NRXN2: variants seen among roughly 807,000 people sequenced by gnomAD.
NRXN2 encodes the protein neurexin 2.
Under a neutral mutation model 128.8 loss-of-function variants are expected in NRXN2, and 29 were observed. That is an observed-to-expected ratio of 0.23 (90% CI 0.17 to 0.31). NRXN2 has a LOEUF of 0.31. Among genes scored for constraint, NRXN2 ranks in the 10% least tolerant of loss-of-function variants. NRXN2 has a pLI of 1.00. For missense variants in NRXN2, 1,881 were observed against 2,452.6 expected (o/e 0.77, Z 4.92); for synonymous variants, 1,098 against 1,075.2 (o/e 1.02, Z -0.41).
In NRXN2 at chr11:64,713,216, A is replaced by G; in HGVS notation, c.484T>C (p.Ser162Pro). 6.8e-7 allele frequency: 1 copy of G among 1,468,106 alleles called. No individual in the cohort carries two copies. The highest frequency in any genetic ancestry group is 9.0e-7 in the Non-Finnish European group (1 of 1,113,886). The allele number at this position is 1,468,106 out of a possible 1,614,324, so 90.9% of individuals were successfully genotyped here. A position where few individuals can be genotyped will look rare whatever the true frequency, so the allele number is the denominator to read the frequency against. The change falls in exon 2 of 23, where the codon TCG becomes CCG. Residue 162 changes from serine (S) to proline (P), a missense_variant. By Grantham distance (74) the Ser-to-Pro change is moderately conservative (BLOSUM62 -1). Transcript: ENST00000265459. Reference sequence around the variant, plus strand: ...TTGACGGTGCTCAGCGTAAGCGCCGAGAGGCGCACGTCGGGCGGGATGCCG... The same window carrying G: ...TTGACGGTGCTCAGCGTAAGCGCCGGGAGGCGCACGTCGGGCGGGATGCCG... ...VGGIPPDVRL[S>P]ALTLSTVKYE... is the part of the protein sequence containing the mutation.
At chr11:64,646,807 C>A (rs1434283505) in intron 17 of NRXN2, among the ~76,000 whole-genome samples, 1 of 5,144 alleles carries the variant, frequency 1.9e-4, no homozygotes, top group Non-Finnish European at 0.02. Flanking sequence ...CATGCCTTGG[C>A]AGTCAGGCTG....
At chr11:64,720,539 G>A (rs1346375942) in intron 1 of NRXN2, among the ~76,000 whole-genome samples, 1 of 152,184 alleles carries the variant, frequency 6.6e-6, no homozygotes, top group Non-Finnish European at 1.5e-5. Context: ...GGACTCCACT[G>A]GGAAGGGTCG....
rs1011468739 is a variant in NRXN2, at chr11:64,642,516, C to T, written c.3403+5703G>A. 3.1e-6 allele frequency: 5 copies of T among 1,599,868 alleles called. No individual in the cohort carries two copies. The African/African-American group carries it at 6.8e-5, about 22-fold the overall frequency. On this transcript the variant is annotated intron_variant, in intron 17 of 22. Coordinates refer to ENST00000265459, the MANE Select transcript of NRXN2 (RefSeq NM_015080.4). ...CCCCGCCCCCGGGCCAACCGGGTGG[C>T]CGGCATCTACAGTGCCACTTACCGT...
intron 2 of NRXN2, among the ~76,000 whole-genome samples, chr11:64,699,594 G>A (rs1161929588): frequency 6.6e-6 from 1 of 151,924 alleles, no homozygotes; most frequent in African/African-American, 2.4e-5. Context: ...TGTATTTTCA[G>A]TAGAGATGGG....
chr11:64,617,888 G>T (rs933906103), intron 22 of NRXN2, among the ~76,000 whole-genome samples: 3 of 152,332 alleles, frequency 2.0e-5, no homozygotes, highest in Admixed American at 2.0e-4. Flanking sequence ...TGCGATGCAG[G>T]CTTAGGGGAG....
At chr11:64,708,622 A>G (rs1592273375) in intron 2 of NRXN2, among the ~76,000 whole-genome samples, 2 of 152,358 alleles carry the variant, frequency 1.3e-5, no homozygotes, top group South Asian at 2.1e-4. Context: ...TTCTCCGTCA[A>G]TGAGTAAGCC....
intron 18 of NRXN2, among the ~76,000 whole-genome samples, chr11:64,633,530 C>A (rs1025412264): frequency 2.0e-5 from 3 of 152,134 alleles, no homozygotes; most frequent in African/African-American, 7.2e-5. Flanking sequence ...TGCAGAGCTT[C>A]GCATGAGGGA....
chr11:64,613,184 C>T (rs2040940800), intron 22 of NRXN2, among the ~76,000 whole-genome samples: 1 of 152,230 alleles, frequency 6.6e-6, no homozygotes, highest in South Asian at 2.1e-4. Flanking sequence ...TGTTTCTGTG[C>T]CCCAAGCACA....
chr11:64,651,440 G>T lies in NRXN2; in HGVS notation c.2733C>A (p.Gly911=). The T allele has an allele frequency of 6.2e-7, 1 of 1,614,178 alleles. No individual in the cohort carries two copies. The highest frequency in any genetic ancestry group is 8.5e-7 in the Non-Finnish European group (1 of 1,180,012). The change falls in exon 14 of 23, where the codon GGC becomes GGA. Residue 911 remains glycine, a synonymous_variant. Coordinates refer to ENST00000265459, the MANE Select transcript of NRXN2 (RefSeq NM_015080.4). This position sits in a 1 kb window ranked among gnomAD's most constrained non-coding sequence, Gnocchi z 5.9. ...CGGGATCGGCCACGATGGCACGCAGGCCAAAGCGAGCATTGAGCTCACAGT... is the reference window on the plus strand; with the variant it reads ...CGGGATCGGCCACGATGGCACGCAGTCCAAAGCGAGCATTGAGCTCACAGT... ...ITYCELNARF[G]LRAIVADPVT...
Position 64,699,930 on chromosome 11 carries a change from A to G in NRXN2, c.731-2138T>C, listed in dbSNP as rs115008910. ...TTCTAGATAATCCAACATGGTAGGT[A>G]TTTCAAAAAGTATTTCCACCTGCCA... On this transcript the variant is annotated intron_variant, in intron 2 of 22. Coordinates refer to ENST00000265459, the MANE Select transcript of NRXN2 (RefSeq NM_015080.4). 2.5e-3 allele frequency among the ~76,000 whole-genome samples: 384 copies of G among 152,290 alleles called. 1 individual carries two copies. Among genetic ancestry groups the G allele is most frequent in the African/African-American group, 8.7e-3 (363 of 41,540 alleles).
chr11:64,665,256 G>A (rs2049667313), intron 9 of NRXN2, among the ~76,000 whole-genome samples: 1 of 151,614 alleles, frequency 6.6e-6, no homozygotes, highest in South Asian at 2.1e-4. Flanking sequence ...ACTCCAGCCT[G>A]GCGACAGAGC....
Position 64,635,425 on chromosome 11 carries a change from C to A in NRXN2, c.3431G>T (p.Gly1144Val), listed in dbSNP as rs1020873297. The change falls in exon 18 of 23, where the codon GGG (glycine) becomes GTG (valine). Residue 1144 changes from glycine to valine, a missense_variant. Physicochemically the swap from Gly to Val is moderately radical, Grantham distance 109. Transcript: ENST00000265459. The surrounding 1 kb of genome is among the most constrained non-coding windows in gnomAD (Gnocchi z 4.8). Reference sequence around the variant, plus strand: ...CCACGTGTAGGTGATGAGCGCTCCCCCCTTCCCAAAGATGTATGTGGTCCC... The same window carrying A: ...CCACGTGTAGGTGATGAGCGCTCCCACCTTCCCAAAGATGTATGTGGTCCC... ...DPGTTYIFGKGGALITYTWPP... is the reference protein window; with the variant it reads ...DPGTTYIFGKVGALITYTWPP... 1 of 1,613,674 alleles carries A rather than the reference C, an allele frequency of 6.2e-7. No homozygotes were observed. The highest frequency in any genetic ancestry group is 1.3e-5 in the African/African-American group (1 of 74,902).
Position 64,648,571 on chromosome 11 carries a change from C to T in NRXN2, c.3283+163G>A, listed in dbSNP as rs1178620365. On this transcript the variant is annotated intron_variant, in intron 16 of 22. Transcript: ENST00000265459. This position sits in a 1 kb window ranked among gnomAD's most constrained non-coding sequence, Gnocchi z 4.1. Reference sequence around the variant, plus strand: ...ACAACAGGGAGGGCAAGTGACCCTTCACACACCTGTATCCCTGCCCCAGAA... The same window carrying T: ...ACAACAGGGAGGGCAAGTGACCCTTTACACACCTGTATCCCTGCCCCAGAA... Among the ~76,000 whole-genome samples, 1 of 152,212 alleles carries T rather than the reference C, an allele frequency of 6.6e-6. No individual in the cohort carries two copies. Among genetic ancestry groups the T allele is most frequent in the African/African-American group, 2.4e-5 (1 of 41,454 alleles).
intron 5 of NRXN2, among the ~76,000 whole-genome samples, chr11:64,689,778 T>G (rs80169728): frequency 3.3e-5 from 5 of 152,024 alleles, no homozygotes; most frequent in Non-Finnish European, 5.9e-5. Context: ...CACCAAGTCA[T>G]TGGGGAGAGG....
At chr11:64,620,394 G>A (rs913690527) in intron 21 of NRXN2, 22 bp from the exon 22 acceptor site, 3 of 1,544,438 alleles carry the variant, frequency 1.9e-6, no homozygotes, top group South Asian at 1.2e-5. Context: ...GAGAAGGGGT[G>A]GGGAAAGAGA....
At chr11:64,672,784 C>G (rs1405691140) in intron 7 of NRXN2, among the ~76,000 whole-genome samples, 1 of 152,092 alleles carries the variant, frequency 6.6e-6, no homozygotes, top group African/African-American at 2.4e-5. Context: ...GGTTAGCTAC[C>G]TGTTCAATGA....
chr11:64,609,151 AGGAAGGAGGGGAGT>A (rs551059114), intron 22 of NRXN2, among the ~76,000 whole-genome samples: 198 of 151,724 alleles, frequency 1.3e-3, no homozygotes, highest in African/African-American at 4.4e-3. Flanking sequence ...GGGAGGGGCA[AGGAAGGAGGGGAGT>A]GGGCAGGGAC....
At chr11:64,617,170 G>GTGTGTA (rs548039379) in intron 22 of NRXN2, among the ~76,000 whole-genome samples, 77 of 152,192 alleles carry the variant, frequency 5.1e-4, no homozygotes, top group Non-Finnish European at 9.4e-4. Context: ...ACGTGTGTGT[G>GTGTGTA]TGTGTATGTG....
At chr11:64,627,107 T>C (rs2043169189) in intron 19 of NRXN2, among the ~76,000 whole-genome samples, 1 of 152,032 alleles carries the variant, frequency 6.6e-6, no homozygotes, top group African/African-American at 2.4e-5. Flanking sequence ...CTCAACTCCC[T>C]TTGCCTTCGT....
Sources: allele counts gnomAD v4.1 joint callset (sites outside exome capture counted in the v4.1 genomes callset), GRCh38; gene constraint gnomAD v4.1.1; non-coding constraint Gnocchi (gnomAD v3.1); transcripts MANE v1.5; gene names NCBI Gene and HGNC (gene_info 2026-07-23, HGNC 2026-07-21).